The following ALMS1 variants were observed in gnomAD, a reference collection of about 807,000 sequenced individuals.
ALMS1 encodes the protein centrosome-associated protein ALMS1.
Under a neutral mutation model 352.2 loss-of-function variants are expected in ALMS1, and 271 were observed. The ratio of observed to expected loss-of-function variants is 0.77; its 90% CI spans 0.70 to 0.85. ALMS1 has a LOEUF of 0.85. Among genes scored for constraint, ALMS1 ranks in the 40% least tolerant of loss-of-function variants. The pLI, the probability that ALMS1 is intolerant of heterozygous loss-of-function variation, is 0.00. For missense variants in ALMS1, 5,445 were observed against 4,870.7 expected, an observed-to-expected ratio of 1.12 and a Z score of -3.51; for synonymous variants, 1,865 against 1,761.2, an observed-to-expected ratio of 1.06 and a Z score of -1.48.
chr2:73,420,267 T>A (rs1327625702), intron 3 of ALMS1, among the ~76,000 whole-genome samples: 2 of 152,142 alleles, frequency 1.3e-5, no homozygotes, highest in Non-Finnish European at 2.9e-5. Flanking sequence ...GGGAAGGCAA[T>A]CCAGTAAACA....
intron 4 of ALMS1, 28 bp downstream of exon 4, chr2:73,423,002 T>C: frequency 6.5e-7 from 1 of 1,540,202 alleles, no homozygotes; most frequent in South Asian, 1.1e-5. Flanking sequence ...CATGTAACCT[T>C]TCTCACTTCT....
At chr2:73,539,060 A>C (rs1002588188) in intron 12 of ALMS1, among the ~76,000 whole-genome samples, 22 of 152,220 alleles carry the variant, frequency 1.4e-4, no homozygotes, top group African/African-American at 4.8e-4. Flanking sequence ...ACACAGCTGG[A>C]GATCTGAGAA....
intron 10 of ALMS1, among the ~76,000 whole-genome samples, chr2:73,505,849 G>T (rs1185944574): frequency 6.6e-6 from 1 of 152,138 alleles, no homozygotes; most frequent in Non-Finnish European, 1.5e-5. Flanking sequence ...TGGTGTTTTA[G>T]TCATGAAACC....
At chr2:73,545,837 A>G (rs1448438335) in intron 12 of ALMS1, among the ~76,000 whole-genome samples, 5 of 152,366 alleles carry the variant, frequency 3.3e-5, no homozygotes, top group Middle Eastern at 3.4e-3. Flanking sequence ...CTTTATGAAC[A>G]TATGACTACG....
intron 16 of ALMS1, among the ~76,000 whole-genome samples, chr2:73,581,752 C>CTT (rs1338369570): frequency 3.5e-5 from 5 of 143,096 alleles, no homozygotes; most frequent in Non-Finnish European, 3.1e-5. Flanking sequence ...ATTATTTTTT[C>CTT]TTTTTTTTTT....
intron 10 of ALMS1, among the ~76,000 whole-genome samples, chr2:73,499,759 T>TG (rs1466680189): frequency 6.6e-6 from 1 of 152,148 alleles, no homozygotes; most frequent in Non-Finnish European, 1.5e-5. Context: ...GTTTGGGTTA[T>TG]GGGGGCAGAT....
chr2:73,457,541 G>A (rs1051960423), intron 9 of ALMS1, among the ~76,000 whole-genome samples: 3 of 152,014 alleles, frequency 2.0e-5, no homozygotes, highest in Non-Finnish European at 4.4e-5. Context: ...CTCGCCCTAT[G>A]TAATACTTTT....
chr2:73,601,008 G>T, intron 18 of ALMS1, 127 bp downstream of exon 18: 1 of 1,396,960 alleles, frequency 7.2e-7, no homozygotes, highest in Non-Finnish European at 9.8e-7. Flanking sequence ...ACCTTGTCAG[G>T]TTTTCAGAGT....
chr2:73,504,034 C>G (rs1315655759), intron 10 of ALMS1, among the ~76,000 whole-genome samples: 1 of 152,092 alleles, frequency 6.6e-6, no homozygotes, highest in Non-Finnish European at 1.5e-5. Context: ...TGATCAATTT[C>G]TACCTTTTTT....
Position 73,424,471 on chromosome 2 carries a change from G to T in ALMS1, c.806G>T (p.Arg269Leu). The T allele has an allele frequency of 6.2e-7, 1 of 1,601,534 alleles. No homozygotes were observed. Among genetic ancestry groups the T allele is most frequent in the Non-Finnish European group, 8.5e-7 (1 of 1,175,302 alleles). Residue 269 changes from arginine (R) to leucine (L), a missense_variant, in exon 5 of 23, where the codon CGA (arginine) becomes CTA (leucine). Coordinates refer to ENST00000613296, the MANE Select transcript of ALMS1 (RefSeq NM_001378454.1). ...TCTGAAGATACTGAATGGTCTTCTC[G>T]ACCATCGGAAGTTAGTGAAGCTTTA... is the stretch of plus-strand genomic sequence containing the variant. ...DKSEDTEWSS[R>L]PSEVSEALFQ...
intron 9 of ALMS1, chr2:73,470,424 A>C (rs1395707425): frequency 1.3e-5 from 2 of 151,638 alleles, no homozygotes; most frequent in African/African-American, 4.8e-5. Flanking sequence ...TTCATCTTTG[A>C]TCCACTGGTT....
chr2:73,586,349 T>A (rs1675311729), intron 16 of ALMS1, among the ~76,000 whole-genome samples: 1 of 152,178 alleles, frequency 6.6e-6, no homozygotes, highest in Non-Finnish European at 1.5e-5. Context: ...GTTTTTCCAG[T>A]GTTATCTTAC....
intron 6 of ALMS1, among the ~76,000 whole-genome samples, chr2:73,430,319 G>T (rs879596262): frequency 6.6e-6 from 1 of 151,978 alleles, no homozygotes. Flanking sequence ...TTCGTGATCC[G>T]CCCGCCTCGG....
At chr2:73,523,264 A>AT (rs1015365079) in intron 11 of ALMS1, among the ~76,000 whole-genome samples, 1 of 152,106 alleles carries the variant, frequency 6.6e-6, no homozygotes, top group South Asian at 2.1e-4. Context: ...TTATTTATTT[A>AT]TTTTTTAGGT....
In ALMS1 at chr2:73,558,978, GTGC is replaced by G. The variant is rs760731440; in HGVS notation, c.10233_10235del (p.Ala3412del). 6.2e-7 allele frequency: 1 copy of G among 1,613,780 alleles called. No individual in the cohort carries two copies. The highest frequency in any genetic ancestry group is 1.1e-5 in the South Asian group (1 of 91,070). On this transcript the variant is annotated inframe_deletion, in exon 15 of 23. Coordinates refer to ENST00000613296, the MANE Select transcript of ALMS1 (RefSeq NM_001378454.1). Reference sequence around the variant, plus strand: ...GTTAATTTCCCTTTCGTAGATTCCAGTGCTGCTGCTGCTGCAGAGCACTCAGCT... The same window carrying G: ...GTTAATTTCCCTTTCGTAGATTCCAGTGCTGCTGCTGCAGAGCACTCAGCT...
intron 5 of ALMS1, among the ~76,000 whole-genome samples, chr2:73,426,230 G>A (rs536770003): frequency 1.3e-5 from 2 of 152,284 alleles, no homozygotes; most frequent in East Asian, 1.9e-4. Context: ...GCCATTAAAG[G>A]TCCACCTGCA....
chr2:73,527,297 G>A (rs1345090259), intron 11 of ALMS1, among the ~76,000 whole-genome samples: 1 of 151,500 alleles, frequency 6.6e-6, no homozygotes, highest in Non-Finnish European at 1.5e-5. Context: ...AAGGAGTTTG[G>A]ATGTATTCTC....
At chr2:73,535,005 G>A in intron 12 of ALMS1, 56 bp downstream of exon 12, 1 of 1,605,398 alleles carries the variant, frequency 6.2e-7, no homozygotes, top group Non-Finnish European at 8.5e-7. Context: ...TTGTGTATTG[G>A]CTAGTTGATT....
intron 9 of ALMS1, among the ~76,000 whole-genome samples, chr2:73,478,029 C>T (rs1255736863): frequency 2.0e-5 from 3 of 152,112 alleles, no homozygotes; most frequent in South Asian, 2.1e-4. Context: ...AATGGCCATA[C>T]TTGTCTTGTT....
Sources: gnomAD v4.1 joint callset for allele counts (sites outside exome capture counted in the v4.1 genomes callset) on GRCh38, gnomAD v4.1.1 for gene constraint, MANE v1.5 for transcripts, NCBI Gene and HGNC (gene_info 2026-07-23, HGNC 2026-07-21) for gene names.